The following SPTA1 variants were observed in gnomAD, a reference collection of about 807,000 sequenced individuals.
SPTA1 encodes the protein spectrin alpha chain, erythrocytic 1.
SPTA1 carries 177 observed loss-of-function variants against 324.7 expected under a neutral mutation model. That is an observed-to-expected ratio of 0.55 (90% confidence interval 0.48 to 0.62). SPTA1 has a LOEUF of 0.62. Ranked by LOEUF, SPTA1 falls within the 20% of genes least tolerant of loss-of-function variation. The probability of loss-of-function intolerance (pLI) is 0.00; values close to 1 mark genes in which losing one functional copy is unlikely to be tolerated. For missense variants in SPTA1, 3,162 were observed against 2,883.6 expected (o/e 1.10, Z -2.21); for synonymous variants, 1,195 against 1,041.3 (o/e 1.15, Z -2.84).
At chr1:158,630,571 T>TG (rs1650603409) in intron 39 of SPTA1, among the ~76,000 whole-genome samples, 1 of 152,012 alleles carries the variant, frequency 6.6e-6, no homozygotes, top group Non-Finnish European at 1.5e-5. Flanking sequence ...TTCATGATAC[T>TG]GGTCTTGGCA....
intron 24 of SPTA1, 119 bp downstream of exon 24, chr1:158,651,248 G>C (rs1239640729): frequency 1.3e-6 from 1 of 763,684 alleles, no homozygotes; most frequent in African/African-American, 1.7e-5. Flanking sequence ...ATTCCATACT[G>C]CTGTTACCTT....
In SPTA1 at chr1:158,638,203, C is replaced by T. The variant is rs1651233515; in HGVS notation, c.5019G>A (p.Leu1673=). 1 of 1,613,534 alleles carries T rather than the reference C, an allele frequency of 6.2e-7. No individual in the cohort carries two copies. Residue 1673 remains leucine (L), a synonymous_variant, in exon 36 of 52, where the codon TTG becomes TTA. Coordinates refer to ENST00000643759, the MANE Select transcript of SPTA1 (RefSeq NM_003126.4). ...LKDLNTLAED[L]LSSGTFNVDQ... is the part of the protein sequence containing the mutation. ...CAACGTTGAAAGTCCCGCTGGAGAG[C>T]AAATCTTCAGCCAATGTATTCAGGT...
At chr1:158,630,820 A>G (rs1650623843) in intron 39 of SPTA1, among the ~76,000 whole-genome samples, 1 of 152,094 alleles carries the variant, frequency 6.6e-6, no homozygotes, top group Non-Finnish European at 1.5e-5. Context: ...TAAAAATAAA[A>G]GTAAAAAACC....
At chr1:158,629,110 A>G (rs1287967463) in intron 39 of SPTA1, among the ~76,000 whole-genome samples, 4 of 150,728 alleles carry the variant, frequency 2.7e-5, no homozygotes, top group African/African-American at 9.8e-5. Context: ...CCAGGCGATA[A>G]TTCTCTCAAT....
chr1:158,670,510 A>G (rs923929712), intron 12 of SPTA1, among the ~76,000 whole-genome samples: 4 of 152,192 alleles, frequency 2.6e-5, no homozygotes, highest in African/African-American at 9.6e-5. Flanking sequence ...TTAACAGAGA[A>G]GACTAGGAAT....
At chr1:158,626,636 C>T (rs541448848) in intron 41 of SPTA1, among the ~76,000 whole-genome samples, 3 of 152,020 alleles carry the variant, frequency 2.0e-5, no homozygotes, top group Non-Finnish European at 4.4e-5. Context: ...ATTTCTATCT[C>T]TTTCTCACTT....
rs1417463238 is a variant in SPTA1 at position 158,620,366 on chromosome 1, G to A, written c.6221C>T (p.Ser2074Phe). The change falls in exon 44 of 52, where the codon TCC becomes TTC. Residue 2074 changes from serine (S) to phenylalanine (F), a missense_variant. By Grantham distance (155) the Ser-to-Phe change is radical. Coordinates refer to ENST00000643759, the MANE Select transcript of SPTA1 (RefSeq NM_003126.4). ...CTGCAGCTGCCGAATTTCATTCAGG[G>A]AGACACAGTGCACAGGCTCTGACAA... is the stretch of plus-strand genomic sequence containing the variant. The part of the protein sequence containing the change: ...ENLSEPVHCV[S>F]LNEIRQLQKD... 1 of 1,614,060 alleles carries A rather than the reference G, an allele frequency of 6.2e-7. No individual in the cohort carries two copies. The highest frequency in any genetic ancestry group is 8.5e-7 in the Non-Finnish European group (1 of 1,180,032).
At chr1:158,673,005 C>T (rs766444658) in intron 10 of SPTA1, among the ~76,000 whole-genome samples, 1 of 151,748 alleles carries the variant, frequency 6.6e-6, no homozygotes, top group Non-Finnish European at 1.5e-5. Flanking sequence ...ACCTCTAGTC[C>T]CAGCTATTCA....
intron 35 of SPTA1, chr1:158,639,173 A>G: frequency 4.9e-6 from 1 of 202,838 alleles, no homozygotes; most frequent in Admixed American, 5.3e-5. Context: ...AATCCTTGAC[A>G]GGATTTCCAG....
In SPTA1 at chr1:158,626,962, C is replaced by G. The variant is rs773309172; in HGVS notation, c.5710G>C (p.Glu1904Gln). 1.2e-6 allele frequency: 2 copies of G among 1,613,872 alleles called. No homozygotes were observed. Among genetic ancestry groups the G allele is most frequent in the Non-Finnish European group, 1.7e-6 (2 of 1,179,806 alleles). The change falls in exon 41 of 52, where the codon GAG becomes CAG. Residue 1904 changes from glutamate (E) to glutamine (Q), a missense_variant. Glu to Gln is a conservative substitution (Grantham distance 29, BLOSUM62 2). Transcript: ENST00000643759. ...GAAGGGGTCTTTTCATTCAGAGCCT[C>G]TATCTTGGAAGAAATCTCTTTGTTC... Reference protein sequence around the residue: ...SQNKEISSKIEALNEKTPSLA... With the variant: ...SQNKEISSKIQALNEKTPSLA...
intron 37 of SPTA1, among the ~76,000 whole-genome samples, 157 bp from the exon 38 acceptor site, chr1:158,636,191 A>C (rs1332754012): frequency 6.6e-6 from 1 of 152,184 alleles, no homozygotes; most frequent in Non-Finnish European, 1.5e-5. Context: ...AGAATGATGA[A>C]AGCTGCAAGA....
At position 158,662,793 on chromosome 1, in the gene SPTA1, G is replaced by A. The variant is rs7418956; in HGVS notation, c.2373C>T (p.Asp791=). The change falls in exon 17 of 52, where the codon GAC becomes GAT. Residue 791 remains aspartate, a synonymous_variant. Coordinates refer to ENST00000643759, the MANE Select transcript of SPTA1 (RefSeq NM_003126.4). ...PLATRKKKLL[D]LLHLQLICRD... ...TACAAATCAGCTGCAGATGGAGAAG[G>A]TCTAAGAGCTTCTTCTTTCGGGTGG... The A allele has an allele frequency of 1.4e-5, 22 of 1,613,920 alleles. No individual in the cohort carries two copies. The highest frequency in any genetic ancestry group is 2.7e-5 in the African/African-American group (2 of 74,880).
chr1:158,646,150 T>A (rs1353973740), intron 27 of SPTA1, among the ~76,000 whole-genome samples: 1 of 152,156 alleles, frequency 6.6e-6, no homozygotes, highest in African/African-American at 2.4e-5. Context: ...CACTGTTGAT[T>A]AAATCAAGGT....
At chr1:158,660,883 T>C (rs1653161733) in intron 18 of SPTA1, among the ~76,000 whole-genome samples, 1 of 152,140 alleles carries the variant, frequency 6.6e-6, no homozygotes, top group Non-Finnish European at 1.5e-5. Flanking sequence ...AATGGAACAG[T>C]TTACTATAAA....
At chr1:158,643,621 T>A (rs6665513) in intron 30 of SPTA1, among the ~76,000 whole-genome samples, 196 bp from the exon 31 acceptor site, 17 of 152,214 alleles carry the variant, frequency 1.1e-4, no homozygotes, top group Non-Finnish European at 2.2e-4. Context: ...GGGCTACTTG[T>A]GTGGTACAGA....
In SPTA1 at chr1:158,610,729, T is replaced by C. The variant is rs1649199436; in HGVS notation, c.*535A>G. Reference sequence around the variant, plus strand: ...TTCCCCAGAAAATCAAATATCTTTATTTTCAAATTTAAATTTAAACACATT... The same window carrying C: ...TTCCCCAGAAAATCAAATATCTTTACTTTCAAATTTAAATTTAAACACATT... On this transcript the variant is annotated 3_prime_UTR_variant, in exon 52 of 52. Coordinates refer to ENST00000643759, the MANE Select transcript of SPTA1 (RefSeq NM_003126.4). 1.3e-5 allele frequency: 2 copies of C among 152,688 alleles called. No individual in the cohort carries two copies. The highest frequency in any genetic ancestry group is 6.5e-5 in the Admixed American group (1 of 15,342). 9.5% of individuals were successfully genotyped at this position (152,688 alleles called of 1,614,324 possible).
intron 40 of SPTA1, 92 bp downstream of exon 40, chr1:158,627,533 C>A (rs1377178316): frequency 6.5e-6 from 8 of 1,235,694 alleles, no homozygotes; most frequent in Non-Finnish European, 9.5e-6. Flanking sequence ...GATCTTAGCA[C>A]TGCTCTCTGC....
At chr1:158,651,548 T>C (rs1571454177) in intron 23 of SPTA1, 80 bp from the exon 24 acceptor site, 13 of 930,014 alleles carry the variant, frequency 1.4e-5, no homozygotes, top group South Asian at 3.9e-5. Flanking sequence ...CTACCATACT[T>C]ACCTGTCCAT....
chr1:158,650,811 A>G (rs969929700), intron 24 of SPTA1, among the ~76,000 whole-genome samples: 1 of 152,226 alleles, frequency 6.6e-6, no homozygotes, highest in South Asian at 2.1e-4. Context: ...ACATGTAAGG[A>G]AAAAACTTTA....
Sources: allele counts gnomAD v4.1 joint callset (sites outside exome capture counted in the v4.1 genomes callset), GRCh38; gene constraint gnomAD v4.1.1; transcripts MANE v1.5; gene names NCBI Gene and HGNC (gene_info 2026-07-23, HGNC 2026-07-21).